NUP153: variants seen among roughly 807,000 people sequenced by gnomAD.
NUP153 encodes the protein nucleoporin 153.
In NUP153, 27 loss-of-function variants were observed where a neutral mutation model predicts 134.6. That is an observed-to-expected ratio of 0.20 (90% CI 0.15 to 0.28). NUP153 has a LOEUF of 0.28. Among genes scored for constraint, NUP153 ranks in the 10% least tolerant of loss-of-function variants. The pLI, the probability that NUP153 is intolerant of heterozygous loss-of-function variation, is 1.00. For missense variants in NUP153, 1,821 were observed against 1,731.3 expected (o/e 1.05, Z -0.92); for synonymous variants, 640 against 623.5 (o/e 1.03, Z -0.40).
chr6:17,681,026 T>C (rs1056215420), intron 2 of NUP153, among the ~76,000 whole-genome samples: 5 of 152,086 alleles, frequency 3.3e-5, no homozygotes, highest in Admixed American at 1.3e-4. Flanking sequence ...TAAGTATCCA[T>C]CCACAAATGA....
intron 2 of NUP153, among the ~76,000 whole-genome samples, chr6:17,683,497 G>T (rs1045778957): frequency 6.6e-6 from 1 of 152,176 alleles, no homozygotes; most frequent in Non-Finnish European, 1.5e-5. Context: ...AATGAGCAGT[G>T]TTGTTTTGCA....
chr6:17,616,140 A>G lies in NUP153; in HGVS notation c.4385T>C (p.Phe1462Ser). The change falls in exon 22 of 22, where the codon TTC becomes TCC. Residue 1462 changes from phenylalanine to serine, a missense_variant. Phe to Ser is a radical substitution (Grantham distance 155). Coordinates refer to ENST00000262077, the MANE Select transcript of NUP153 (RefSeq NM_005124.4). ...AGCAGTCTTTATCTTGCGACCAGAGAATGAAGTTCCAGAAGAAGAGAACAC... is the reference window on the plus strand; with the variant it reads ...AGCAGTCTTTATCTTGCGACCAGAGGATGAAGTTCCAGAAGAAGAGAACAC... Reference protein sequence around the residue: ...KNVFSSSGTSFSGRKIKTAVR... With the variant: ...KNVFSSSGTSSSGRKIKTAVR... The G allele has an allele frequency of 1.2e-6, 2 of 1,614,000 alleles. No homozygotes were observed. The highest frequency in any genetic ancestry group is 1.7e-6 in the Non-Finnish European group (2 of 1,179,916).
chr6:17,649,775 TCTGA>T (rs368905439), intron 11 of NUP153, among the ~76,000 whole-genome samples: 31 of 152,356 alleles, frequency 2.0e-4, no homozygotes, highest in African/African-American at 7.0e-4. Flanking sequence ...GTTGTTAATC[TCTGA>T]CTGTGCCTAC....
At chr6:17,632,872 G>A (rs552197779) in intron 16 of NUP153, 28 bp from the exon 17 acceptor site, 5 of 1,427,798 alleles carry the variant, frequency 3.5e-6, no homozygotes, top group East Asian at 2.3e-5. Context: ...AACGGGGAGT[G>A]GGGGGAGATT....
intron 1 of NUP153, among the ~76,000 whole-genome samples, chr6:17,692,692 T>C (rs192378252): frequency 1.3e-5 from 2 of 152,192 alleles, no homozygotes; most frequent in African/African-American, 4.8e-5. Flanking sequence ...TATAATTGAG[T>C]GGTCCTCAAA....
chr6:17,658,222 C>A (rs999533295), intron 11 of NUP153, among the ~76,000 whole-genome samples: 4 of 152,138 alleles, frequency 2.6e-5, no homozygotes, highest in South Asian at 2.1e-4. Flanking sequence ...GATGGTGAAA[C>A]CCTGTCTCGC....
intron 1 of NUP153, among the ~76,000 whole-genome samples, chr6:17,696,740 G>C (rs1016275381): frequency 1.3e-5 from 2 of 151,972 alleles, no homozygotes; most frequent in Admixed American, 1.3e-4. Context: ...GGGCCACAGA[G>C]CAAGACTCCA....
intron 11 of NUP153, among the ~76,000 whole-genome samples, chr6:17,649,706 G>A (rs1168086260): frequency 6.6e-6 from 1 of 152,146 alleles, no homozygotes; most frequent in Non-Finnish European, 1.5e-5. Context: ...GAGAGAAAGA[G>A]ACTACATTCA....
chr6:17,622,797 A>G lies in NUP153; in HGVS notation c.4174+1764T>C, dbSNP rs115215328. 1.7e-3 allele frequency among the ~76,000 whole-genome samples: 253 copies of G among 152,298 alleles called. 2 individuals carry two copies. Among genetic ancestry groups the G allele is most frequent in the African/African-American group, 5.9e-3 (245 of 41,562 alleles). ...TGGCTCAGCAATAATCAGCATTTCC[A>G]TAATCAGAATCCTGATCTAACCTTA... is the stretch of plus-strand genomic sequence containing the variant. On this transcript the variant is annotated intron_variant, in intron 20 of 21. Transcript: ENST00000262077.
Position 17,706,500 on chromosome 6 carries a change from G to A in NUP153, c.-113C>T, listed in dbSNP as rs1193437565. The A allele has an allele frequency of 2.7e-6, 2 of 748,142 alleles. No individual in the cohort carries two copies. The highest frequency in any genetic ancestry group is 1.8e-5 in the African/African-American group (1 of 55,460). The allele number at this position is 748,142 out of a possible 1,614,324, so 46.3% of individuals were successfully genotyped here. A position where few individuals can be genotyped will look rare whatever the true frequency, so the allele number is the denominator to read the frequency against. The stretch of plus-strand genomic sequence containing the variant: ...CCGGCCCCGGCCCAAAAGTCCGCCC[G>A]CGCTGTCCACACAGTGGGCACAAGC... On this transcript the variant is annotated 5_prime_UTR_variant, in exon 1 of 22. Coordinates refer to ENST00000262077, the MANE Select transcript of NUP153 (RefSeq NM_005124.4). The surrounding 1 kb of genome is among the most constrained non-coding windows in gnomAD (Gnocchi z 5.9).
chr6:17,673,653 TG>T (rs1373842633), intron 5 of NUP153, among the ~76,000 whole-genome samples: 2 of 152,222 alleles, frequency 1.3e-5, no homozygotes, highest in East Asian at 3.9e-4. Context: ...AATCAGAAGT[TG>T]GGGTTACCAC....
In NUP153 at chr6:17,691,976, G is replaced by C. The variant is rs1457539005; in HGVS notation, c.112-3358C>G. ...ACCACATCCAGCTATAGCAATTCTA[G>C]AATTTAATGTAGATTTAAAAATTTT... is the stretch of plus-strand genomic sequence containing the variant. On this transcript the variant is annotated intron_variant, in intron 1 of 21. Coordinates refer to ENST00000262077, the MANE Select transcript of NUP153 (RefSeq NM_005124.4). Among the ~76,000 whole-genome samples, 9 of 152,250 alleles carry C rather than the reference G, an allele frequency of 5.9e-5. No individual in the cohort carries two copies. The East Asian group carries it at 1.5e-3, about 26-fold the overall frequency.
chr6:17,620,354 A>G (rs947044641), intron 20 of NUP153, among the ~76,000 whole-genome samples: 4 of 152,188 alleles, frequency 2.6e-5, no homozygotes, highest in Non-Finnish European at 4.4e-5. Context: ...TTTACAGCCA[A>G]CTGATTTTCG....
At position 17,637,343 on chromosome 6, in the gene NUP153, A is replaced by T. The variant is rs942719082; in HGVS notation, c.2274T>A (p.Leu758=). 21 of 1,614,068 alleles carry T rather than the reference A, an allele frequency of 1.3e-5. No homozygotes were observed. Among genetic ancestry groups the T allele is most frequent in the Admixed American group, 3.3e-5 (2 of 59,998 alleles). ...CACTTTCCGAAACCACTGTCAATGT[A>T]AGGGCTCGCTTCACACAAGTTCCAG... ...PKPGTCVKRA[L]TLTVVSESAE... Residue 758 remains leucine, a synonymous_variant, in exon 16 of 22, where the codon CTT becomes CTA. Transcript: ENST00000262077.
At chr6:17,642,102 A>C (rs1398415045) in intron 14 of NUP153, among the ~76,000 whole-genome samples, 1 of 152,218 alleles carries the variant, frequency 6.6e-6, no homozygotes, top group African/African-American at 2.4e-5. Context: ...TCAATATCCT[A>C]AATATGACAT....
chr6:17,624,051 AATC>A (rs1764786867), intron 20 of NUP153, among the ~76,000 whole-genome samples: 2 of 152,198 alleles, frequency 1.3e-5, no homozygotes, highest in African/African-American at 2.4e-5. Flanking sequence ...ATTAGAAAAA[AATC>A]AACAACAATT....
intron 2 of NUP153, among the ~76,000 whole-genome samples, chr6:17,684,412 A>G (rs144921881): frequency 6.6e-4 from 100 of 152,286 alleles, no homozygotes; most frequent in Admixed American, 1.2e-3. Flanking sequence ...CTGCAGCTTT[A>G]TCATCTCCCT....
rs11417761 is a variant in NUP153 at position 17,694,982 on chromosome 6, G to GAA, written c.112-6366_112-6365dup. On this transcript the variant is annotated intron_variant, in intron 1 of 21. Coordinates refer to ENST00000262077, the MANE Select transcript of NUP153 (RefSeq NM_005124.4). ...CAACAAAGCGAGACTCTGTCTCAAGGAAAAAAAAAAAGAGAGAGTGGGAAG... is the reference window on the plus strand; with the variant it reads ...CAACAAAGCGAGACTCTGTCTCAAGGAAAAAAAAAAAAAGAGAGAGTGGGAAG... 7.8e-4 allele frequency among the ~76,000 whole-genome samples: 116 copies of GAA among 149,138 alleles called. 2 individuals are homozygous for GAA. In the Middle Eastern group the frequency reaches 0.024, roughly 31 times the overall value.
At chr6:17,622,499 C>T (rs1240295890) in intron 20 of NUP153, among the ~76,000 whole-genome samples, 3 of 152,176 alleles carry the variant, frequency 2.0e-5, no homozygotes, top group Non-Finnish European at 4.4e-5. Context: ...AACATCTTTA[C>T]TATCCAGGTC....
Sources: allele counts gnomAD v4.1 joint callset (sites outside exome capture counted in the v4.1 genomes callset), GRCh38; gene constraint gnomAD v4.1.1; non-coding constraint Gnocchi (gnomAD v3.1); transcripts MANE v1.5; gene names NCBI Gene and HGNC (gene_info 2026-07-23, HGNC 2026-07-21).